Variants in FBXL13 observed in about 807,000 individuals in gnomAD.
FBXL13 encodes F-box and leucine rich repeat protein 13, also known as F-box and leucine-rich repeat protein 13.
FBXL13 carries 67 observed loss-of-function variants against 83.6 expected under a neutral mutation model. That is an observed-to-expected ratio of 0.80 (90% CI 0.66 to 0.98). The LOEUF (loss-of-function observed/expected upper bound fraction) is 0.98, where lower values mean the gene tolerates loss of function less well. Among genes scored for constraint, FBXL13 ranks in the 50% least tolerant of loss-of-function variants. The probability of loss-of-function intolerance (pLI) is 0.00; values close to 1 mark genes in which losing one functional copy is unlikely to be tolerated. For missense variants in FBXL13, 822 were observed against 866.5 expected (o/e 0.95, Z 0.64); for synonymous variants, 272 against 299.5 (o/e 0.91, Z 0.95).
intron 6 of FBXL13, among the ~76,000 whole-genome samples, chr7:102,969,158 T>G (rs1471660669): frequency 6.6e-6 from 1 of 152,204 alleles, no homozygotes; most frequent in Non-Finnish European, 1.5e-5. Context: ...CAGAGCAACT[T>G]CTAGTCCTCC....
At chr7:102,822,418 G>A (rs1415469160) in intron 18 of FBXL13, 1 of 666,494 alleles carries the variant, frequency 1.5e-6, no homozygotes, top group Non-Finnish European at 2.8e-6. Context: ...CTCCTTATTT[G>A]CAGATGCCTC....
intron 2 of FBXL13, among the ~76,000 whole-genome samples, chr7:103,040,496 C>T (rs1271474804): frequency 4.6e-5 from 7 of 152,048 alleles, no homozygotes; most frequent in African/African-American, 1.4e-4. Context: ...CTAAGAACTC[C>T]ACACCCCAAA....
At chr7:102,944,454 A>G in intron 8 of FBXL13, 1 of 1,614,104 alleles carries the variant, frequency 6.2e-7, no homozygotes, top group East Asian at 2.2e-5. Flanking sequence ...CTGTGGGAAA[A>G]TATATTAGAA....
At chr7:103,063,354 T>C (rs1280950110) in intron 1 of FBXL13, among the ~76,000 whole-genome samples, 4 of 152,240 alleles carry the variant, frequency 2.6e-5, no homozygotes, top group African/African-American at 4.8e-5. Context: ...TTGTATTAGA[T>C]ATAAGTAATC....
chr7:102,942,424 GA>G (rs1426281501), intron 8 of FBXL13: 4 of 1,273,930 alleles, frequency 3.1e-6, no homozygotes, highest in Non-Finnish European at 4.3e-6. Context: ...CATTGTTGTG[GA>G]AAAGAGAAAG....
intron 11 of FBXL13, 140 bp downstream of exon 12, chr7:102,912,946 C>T: frequency 8.8e-7 from 1 of 1,136,200 alleles, no homozygotes; most frequent in Non-Finnish European, 1.2e-6. Context: ...ATTTCAGCAG[C>T]TGGGGCCATG....
chr7:103,066,685 G>A (rs1427880675), intron 1 of FBXL13, among the ~76,000 whole-genome samples: 1 of 152,030 alleles, frequency 6.6e-6, no homozygotes, highest in African/African-American at 2.4e-5. Flanking sequence ...GAGCCACTGC[G>A]CCCAGCCTAT....
intron 1 of FBXL13, among the ~76,000 whole-genome samples, chr7:103,069,511 C>G (rs142351423): frequency 6.6e-6 from 1 of 152,166 alleles, no homozygotes; most frequent in Non-Finnish European, 1.5e-5. Flanking sequence ...AACCAAATCT[C>G]TCACAATCTT....
chr7:102,913,348 G>A, intron 10 of FBXL13, 133 bp from the exon 12 acceptor site: 1 of 1,047,880 alleles, frequency 9.5e-7, no homozygotes, highest in Non-Finnish European at 1.4e-6. Flanking sequence ...TAACTTTACT[G>A]TTAACTCTCT....
chr7:103,059,428 C>T (rs897989811), intron 1 of FBXL13, among the ~76,000 whole-genome samples: 1 of 152,226 alleles, frequency 6.6e-6, no homozygotes, highest in East Asian at 1.9e-4. Context: ...TTTTTCCCTG[C>T]CCAATGAAAA....
chr7:102,935,242 C>CTTTTTTTTTTTTTTTTTTT (rs71106700), intron 8 of FBXL13, among the ~76,000 whole-genome samples: 1 of 76,416 alleles, frequency 1.3e-5, no homozygotes, highest in African/African-American at 5.8e-5. Context: ...TTTTTTCTTT[C>CTTTTTTTTTTTTTTTTTTT]TTTTTTTTTT....
chr7:102,938,926 A>G (rs1209074433), intron 8 of FBXL13, among the ~76,000 whole-genome samples: 2 of 152,166 alleles, frequency 1.3e-5, no homozygotes, highest in East Asian at 3.8e-4. Context: ...TCTGCAGTTT[A>G]TATTCTTTTT....
At chr7:102,974,307 G>A (rs1327125498) in intron 6 of FBXL13, among the ~76,000 whole-genome samples, 1 of 152,010 alleles carries the variant, frequency 6.6e-6, no homozygotes, top group Non-Finnish European at 1.5e-5. Context: ...GGAGAATGGT[G>A]TGAACCCGGG....
chr7:103,042,033 T>C (rs1483510047), intron 2 of FBXL13, among the ~76,000 whole-genome samples: 1 of 152,136 alleles, frequency 6.6e-6, no homozygotes, highest in Non-Finnish European at 1.5e-5. Context: ...GGAAGTCAAA[T>C]TGTCTCTTTG....
intron 6 of FBXL13, among the ~76,000 whole-genome samples, chr7:102,983,095 G>T (rs532575844): frequency 1.6e-4 from 24 of 152,240 alleles, no homozygotes; most frequent in African/African-American, 5.1e-4. Context: ...AAGGCCTGCT[G>T]GGACTTGAGT....
At chr7:102,824,374 C>A (rs1799254647) in intron 18 of FBXL13, among the ~76,000 whole-genome samples, 1 of 152,296 alleles carries the variant, frequency 6.6e-6, no homozygotes, top group East Asian at 1.9e-4. Context: ...AAAGCAATTA[C>A]ACATTTATCA....
chr7:102,878,262 G>T, intron 15 of FBXL13, 69 bp downstream of exon 16: 1 of 1,337,732 alleles, frequency 7.5e-7, no homozygotes, highest in Non-Finnish European at 9.9e-7. Flanking sequence ...TTGCTTTTAG[G>T]TGTCTCATGT....
chr7:103,012,158 C>T (rs533932349), intron 6 of FBXL13, among the ~76,000 whole-genome samples: 7 of 152,044 alleles, frequency 4.6e-5, no homozygotes, highest in Non-Finnish European at 1.0e-4. Context: ...GGTGGATCAC[C>T]TGAGGTCAGG....
chr7:102,922,114 C>T (rs934731463), intron 10 of FBXL13, among the ~76,000 whole-genome samples: 10 of 151,624 alleles, frequency 6.6e-5, no homozygotes, highest in African/African-American at 1.5e-4. Flanking sequence ...TGCTTGAGCC[C>T]GCGAGGCGGA....
Sources: allele counts gnomAD v4.1 joint callset (sites outside exome capture counted in the v4.1 genomes callset), GRCh38; gene constraint gnomAD v4.1.1; transcripts MANE v1.5; gene names NCBI Gene and HGNC (gene_info 2026-07-23, HGNC 2026-07-21).